DRC8: variants seen among roughly 807,000 people sequenced by gnomAD.
DRC8 encodes dynein regulatory complex subunit 8.
chr1:245,053,727 A>ACGT, the DRC8 span, among the ~76,000 whole-genome samples: 1 of 152,210 alleles, frequency 6.6e-6, no homozygotes, highest in African/African-American at 2.4e-5. Flanking sequence ...GATGTCAATC[A>ACGT]CGTGGGCTTT....
At chr1:244,970,370 G>T in the DRC8 span, 1 of 1,525,472 alleles carries the variant, frequency 6.6e-7, no homozygotes, top group Non-Finnish European at 8.8e-7. Flanking sequence ...GGGACACCGC[G>T]GCCGAGGTTA....
At chr1:245,068,717 C>T in the DRC8 span, among the ~76,000 whole-genome samples, 14 of 151,854 alleles carry the variant, frequency 9.2e-5, no homozygotes. Context: ...GCAGGGATTA[C>T]AGGTGTGAGC....
At chr1:244,986,044 C>T in the DRC8 span, among the ~76,000 whole-genome samples, 3 of 151,816 alleles carry the variant, frequency 2.0e-5, no homozygotes, top group Admixed American at 2.0e-4. Context: ...CAACCTCCAC[C>T]TCCCAGGTTC....
At chr1:245,050,091 G>A in the DRC8 span, among the ~76,000 whole-genome samples, 32 of 152,266 alleles carry the variant, frequency 2.1e-4, 1 homozygote, top group East Asian at 6.0e-3. Context: ...CATGATCCTG[G>A]TATAAGGGGA....
chr1:245,020,622 T>C, the DRC8 span, among the ~76,000 whole-genome samples: 11 of 139,848 alleles, frequency 7.9e-5, no homozygotes, highest in African/African-American at 3.0e-4. Context: ...TCTTTTTTTT[T>C]TTTTTTTTTT....
chr1:245,111,490 C>G, the DRC8 span, among the ~76,000 whole-genome samples: 138 of 152,240 alleles, frequency 9.1e-4, no homozygotes, highest in Non-Finnish European at 1.6e-3. Flanking sequence ...AATGAATAGA[C>G]TAATGAAGGT....
At chr1:244,969,912 C>G in the DRC8 span, 4 of 446,574 alleles carry the variant, frequency 9.0e-6, no homozygotes, top group Non-Finnish European at 1.6e-5. Flanking sequence ...GAGGCCGGGC[C>G]GCGGGCTGGT....
chr1:245,090,785 G>T, the DRC8 span, among the ~76,000 whole-genome samples: 2 of 150,476 alleles, frequency 1.3e-5, no homozygotes, highest in African/African-American at 2.4e-5. Flanking sequence ...GTCCTGCTTT[G>T]CCCGTGGTAG....
the DRC8 span, among the ~76,000 whole-genome samples, chr1:245,046,127 ATAT>A: frequency 0.034 from 5,250 of 152,218 alleles, 320 homozygotes; most frequent in African/African-American, 0.12. Context: ...ACCAACCTTA[ATAT>A]TATATATGAT....
the DRC8 span, among the ~76,000 whole-genome samples, chr1:245,022,309 A>AC: frequency 6.8e-6 from 1 of 147,518 alleles, no homozygotes; most frequent in South Asian, 2.1e-4. Context: ...GTGTGCCACC[A>AC]CCCCCGGCTA....
At chr1:245,102,348 T>A in the DRC8 span, among the ~76,000 whole-genome samples, 1 of 151,628 alleles carries the variant, frequency 6.6e-6, no homozygotes, top group African/African-American at 2.4e-5. Flanking sequence ...ATTTATTTAT[T>A]TATTTATTTA....
chr1:244,977,138 A>G, the DRC8 span, among the ~76,000 whole-genome samples: 112,126 of 152,072 alleles, frequency 0.74, 42,758 homozygotes, highest in East Asian at 1. Flanking sequence ...CTGTGGGGAG[A>G]GGAGAATGGG....
chr1:245,021,510 A>G, the DRC8 span, among the ~76,000 whole-genome samples: 24 of 152,064 alleles, frequency 1.6e-4, no homozygotes, highest in African/African-American at 5.6e-4. Context: ...ATCTCGGCTC[A>G]TTGTAACCTC....
chr1:245,009,423 CT>C, the DRC8 span, among the ~76,000 whole-genome samples: 1 of 151,204 alleles, frequency 6.6e-6, no homozygotes. Flanking sequence ...AAAACTTCTC[CT>C]TTAATTAACC....
chr1:245,081,969 C>T, the DRC8 span: 5 of 807,580 alleles, frequency 6.2e-6, no homozygotes, highest in South Asian at 4.7e-5. Context: ...AGGGGTCACG[C>T]CCAAGTGTGC....
the DRC8 span, among the ~76,000 whole-genome samples, chr1:245,000,909 C>G: frequency 1.3e-5 from 2 of 151,968 alleles, no homozygotes; most frequent in East Asian, 1.9e-4. Context: ...TGGCCCTCCC[C>G]TAGGAGGGAA....
At chr1:245,114,668 T>G in the DRC8 span, among the ~76,000 whole-genome samples, 1 of 152,192 alleles carries the variant, frequency 6.6e-6, no homozygotes, top group East Asian at 1.9e-4. Context: ...GGGCAGATTT[T>G]TTATTTCATA....
the DRC8 span, among the ~76,000 whole-genome samples, chr1:245,080,866 C>T: frequency 1.3e-5 from 2 of 152,166 alleles, no homozygotes; most frequent in Admixed American, 6.5e-5. Flanking sequence ...GCCCTGCCGT[C>T]GGGCCCCTGT....
At chr1:244,977,745 G>T in the DRC8 span, among the ~76,000 whole-genome samples, 1 of 152,122 alleles carries the variant, frequency 6.6e-6, no homozygotes, top group South Asian at 2.1e-4. Context: ...TTTATCCTTA[G>T]AAATATATTC....
Sources: allele counts gnomAD v4.1 joint callset (sites outside exome capture counted in the v4.1 genomes callset), GRCh38; gene constraint gnomAD v4.1.1; transcripts MANE v1.5; gene names NCBI Gene and HGNC (gene_info 2026-07-23, HGNC 2026-07-21).